Variants in PUM3 observed in about 807,000 individuals in gnomAD.
The protein encoded by PUM3 is pumilio RNA binding family member 3.
In PUM3, 91 loss-of-function variants were observed where a neutral mutation model predicts 84.0. The observed-to-expected ratio is 1.08, with a 90% CI of 0.91 to 1.29. PUM3 has a LOEUF of 1.29. PUM3 is among the 50% of genes most tolerant of loss of function. The pLI, the probability that PUM3 is intolerant of heterozygous loss-of-function variation, is 0.00. For synonymous variants in PUM3, 321 were observed against 266.7 expected (o/e 1.20, Z -1.98); for missense variants, 1,067 against 767.5 (o/e 1.39, Z -4.61).
intron 5 of PUM3, 23 bp from the exon 6 acceptor site, chr9:2,831,367 G>C: frequency 2.1e-6 from 3 of 1,437,324 alleles, no homozygotes; most frequent in Non-Finnish European, 2.9e-6. Flanking sequence ...GTTTGAGTTA[G>C]ACTAATTCTC....
intron 10 of PUM3, 102 bp downstream of exon 10, chr9:2,826,970 AC>A: frequency 1.2e-6 from 1 of 800,408 alleles, no homozygotes; most frequent in East Asian, 2.6e-5. Context: ...TAAGGAAGCA[AC>A]TCTAAAATTT....
At position 2,811,531 on chromosome 9, in the gene PUM3, C is replaced by T; in HGVS notation, c.1465G>A (p.Ala489Thr). The T allele has an allele frequency of 6.2e-7, 1 of 1,614,128 alleles. No individual in the cohort carries two copies. The highest frequency in any genetic ancestry group is 8.5e-7 in the Non-Finnish European group (1 of 1,180,020). The change falls in exon 15 of 18, where the codon GCT (alanine) becomes ACT (threonine). Residue 489 changes from alanine (A) to threonine (T), a missense_variant. Ala to Thr is a moderately conservative substitution (Grantham distance 58). Coordinates refer to ENST00000397885, the MANE Select transcript of PUM3 (RefSeq NM_014878.5). ...RRELLESISP[A>T]LLSYLQEHAQ... ...TGTTCTTGCAGGTAGCTTAACAAAG[C>T]TGGAGAAATGGATTCTAGGAGCTCC...
chr9:2,821,246 C>T (rs893191107), intron 12 of PUM3, among the ~76,000 whole-genome samples: 2 of 151,836 alleles, frequency 1.3e-5, no homozygotes, highest in African/African-American at 4.8e-5. Flanking sequence ...AGATCGAGAC[C>T]ATCCTGGCTA....
At chr9:2,837,486 T>C (rs1359037897) in intron 2 of PUM3, 85 bp from the exon 3 acceptor site, 4 of 855,684 alleles carry the variant, frequency 4.7e-6, no homozygotes, top group East Asian at 2.6e-5. Flanking sequence ...CAGAAAATTA[T>C]ACTTTTTAAT....
chr9:2,811,347 T>C lies in PUM3; in HGVS notation c.1635+14A>G, dbSNP rs377196305. ...CTTTGCAGCTTTCCTGCCTGTGCTT[T>C]AATGGCACATTACCTCTCCGTCCTT... On this transcript the variant is annotated intron_variant, in intron 15 of 17. Coordinates refer to ENST00000397885, the MANE Select transcript of PUM3 (RefSeq NM_014878.5). 21 of 1,612,284 alleles carry C rather than the reference T, an allele frequency of 1.3e-5. No individual in the cohort carries two copies. Among genetic ancestry groups the C allele is most frequent in the Non-Finnish European group, 1.7e-5 (20 of 1,179,048 alleles).
At chr9:2,806,132 T>C (rs568446290) in intron 17 of PUM3, among the ~76,000 whole-genome samples, 15 of 152,352 alleles carry the variant, frequency 9.8e-5, no homozygotes, top group Non-Finnish European at 2.1e-4. Flanking sequence ...GGAGTTCTGA[T>C]TGATGAACAA....
intron 1 of PUM3, among the ~76,000 whole-genome samples, chr9:2,838,904 T>C (rs1816200717): frequency 6.6e-6 from 1 of 152,148 alleles, no homozygotes; most frequent in Non-Finnish European, 1.5e-5. Flanking sequence ...AATTATCGCT[T>C]GATTTCTTGG....
At chr9:2,832,011 C>A (rs184606006) in intron 5 of PUM3, among the ~76,000 whole-genome samples, 6 of 152,144 alleles carry the variant, frequency 3.9e-5, no homozygotes, top group African/African-American at 1.4e-4. Flanking sequence ...GCGCCCTCCA[C>A]GAATCATCCA....
intron 5 of PUM3, among the ~76,000 whole-genome samples, chr9:2,833,082 T>G (rs1328038870): frequency 6.6e-6 from 1 of 152,192 alleles, no homozygotes; most frequent in East Asian, 1.9e-4. Context: ...ACTGAACTAA[T>G]AAACTTCTCA....
chr9:2,827,795 A>C (rs76966095), intron 9 of PUM3, among the ~76,000 whole-genome samples: 1 of 152,246 alleles, frequency 6.6e-6, no homozygotes, highest in Non-Finnish European at 1.5e-5. Context: ...CAACCAACCC[A>C]TTTAATCTTC....
At position 2,828,688 on chromosome 9, in the gene PUM3, G is replaced by T; in HGVS notation, c.943C>A (p.Pro315Thr). The T allele has an allele frequency of 6.3e-7, 1 of 1,586,378 alleles. No homozygotes were observed. The highest frequency in any genetic ancestry group is 8.7e-7 in the Non-Finnish European group (1 of 1,155,466). The change falls in exon 9 of 18, where the codon CCA (proline) becomes ACA (threonine). Residue 315 changes from proline to threonine, a missense_variant. Physicochemically the swap from Pro to Thr is conservative, Grantham distance 38. Transcript: ENST00000397885. ...IMDEMKQILT[P>T]MAQKEAVIKH... ...CAACTTTCTTACTTTTGGGCCATTGGAGTTAGAATCTGTTTCATTTCATCC... is the reference window on the plus strand; with the variant it reads ...CAACTTTCTTACTTTTGGGCCATTGTAGTTAGAATCTGTTTCATTTCATCC...
At chr9:2,811,708 T>G (rs1821378349) in intron 14 of PUM3, 125 bp from the exon 15 acceptor site, 7 of 667,590 alleles carry the variant, frequency 1.0e-5, no homozygotes, top group Non-Finnish European at 1.8e-5. Flanking sequence ...ATTGTCTATC[T>G]TTCTGTTAAG....
chr9:2,812,757 T>G (rs973064909), intron 13 of PUM3, among the ~76,000 whole-genome samples: 3 of 152,212 alleles, frequency 2.0e-5, no homozygotes, highest in Non-Finnish European at 2.9e-5. Context: ...AACTCATTTG[T>G]ATTAACTGAC....
At chr9:2,812,947 C>G (rs1450539761) in intron 13 of PUM3, among the ~76,000 whole-genome samples, 1 of 152,130 alleles carries the variant, frequency 6.6e-6, no homozygotes, top group Non-Finnish European at 1.5e-5. Flanking sequence ...TTAGAATTTC[C>G]CTGCTGAGAT....
At chr9:2,818,812 C>T (rs1218495302) in intron 13 of PUM3, among the ~76,000 whole-genome samples, 1 of 152,178 alleles carries the variant, frequency 6.6e-6, no homozygotes, top group African/African-American at 2.4e-5. Context: ...GAAATTCACA[C>T]ACACTGGGAC....
Position 2,804,295 on chromosome 9 carries a change from A to C in PUM3, c.*36T>G, listed in dbSNP as rs756603137. The C allele has an allele frequency of 7.5e-6, 12 of 1,601,980 alleles. No homozygotes were observed. The highest frequency in any genetic ancestry group is 1.0e-5 in the Non-Finnish European group (12 of 1,174,804). ...CATTGGGAAACAGAACAGAGAACAGAAAAAATCATTCCATCTTGCTCTTAA... is the reference window on the plus strand; with the variant it reads ...CATTGGGAAACAGAACAGAGAACAGCAAAAATCATTCCATCTTGCTCTTAA... On this transcript the variant is annotated 3_prime_UTR_variant, in exon 18 of 18. Coordinates refer to ENST00000397885, the MANE Select transcript of PUM3 (RefSeq NM_014878.5).
At position 2,837,487 on chromosome 9, in the gene PUM3, A is replaced by G. The variant is rs1816159506; in HGVS notation, c.83-86T>C. ...GATTATATCCATTACAGAAAATTAT[A>G]CTTTTTAATCCCAATACCATGTCTT... is the stretch of plus-strand genomic sequence containing the variant. On this transcript the variant is annotated intron_variant, in intron 2 of 17. Coordinates refer to ENST00000397885, the MANE Select transcript of PUM3 (RefSeq NM_014878.5). The G allele has an allele frequency of 3.2e-5, 27 of 856,372 alleles. 1 individual carries two copies. In the South Asian group the frequency reaches 4.3e-4, roughly 14 times the overall value. The allele number at this position is 856,372 out of a possible 1,614,324, so 53.0% of individuals were successfully genotyped here. A position where few individuals can be genotyped will look rare whatever the true frequency, so the allele number is the denominator to read the frequency against.
Position 2,807,796 on chromosome 9 carries a change from G to C in PUM3, c.1814+18C>G. ...CATGACCAGGCCCTGCTCAGAGAAG[G>C]GCACATGTTATACATACCTAGAAAG... On this transcript the variant is annotated intron_variant, in intron 17 of 17. Transcript: ENST00000397885. 8 of 1,533,460 alleles carry C rather than the reference G, an allele frequency of 5.2e-6. No individual in the cohort carries two copies. The highest frequency in any genetic ancestry group is 7.2e-6 in the Non-Finnish European group (8 of 1,107,638). 95.0% of individuals were successfully genotyped at this position (1,533,460 alleles called of 1,614,324 possible).
At chr9:2,821,507 T>C (rs928572806) in intron 12 of PUM3, among the ~76,000 whole-genome samples, 2 of 150,200 alleles carry the variant, frequency 1.3e-5, no homozygotes, top group Non-Finnish European at 3.0e-5. Flanking sequence ...TACAAATGTC[T>C]TTAAATGTAT....
Sources: gnomAD v4.1 joint callset for allele counts (sites outside exome capture counted in the v4.1 genomes callset) on GRCh38, gnomAD v4.1.1 for gene constraint, MANE v1.5 for transcripts, NCBI Gene and HGNC (gene_info 2026-07-23, HGNC 2026-07-21) for gene names.